LDB2: variants seen among roughly 807,000 people sequenced by gnomAD.
The protein encoded by LDB2 is LIM domain-binding protein 2.
In LDB2, 12 loss-of-function variants were observed where a neutral mutation model predicts 44.3. The observed-to-expected ratio is 0.27, with a 90% CI of 0.17 to 0.44. The LOEUF is 0.44. Among genes scored for constraint, LDB2 ranks in the 20% least tolerant of loss-of-function variants. LDB2 has a pLI of 1.00. For missense variants in LDB2, 344 were observed against 473.5 expected (o/e 0.73, Z 2.54); for synonymous variants, 164 against 174.8 (o/e 0.94, Z 0.49).
rs573434412 is a variant in LDB2 at position 16,768,121 on chromosome 4, C to T, written c.133-8861G>A. Among the ~76,000 whole-genome samples the T allele has an allele frequency of 4.3e-4, 65 of 152,268 alleles. No individual in the cohort carries two copies. The South Asian group carries it at 6.8e-3, about 16-fold the overall frequency. On this transcript the variant is annotated intron_variant, in intron 1 of 7. Coordinates refer to ENST00000304523, the MANE Select transcript of LDB2 (RefSeq NM_001290.5). Reference sequence around the variant, plus strand: ...TAATGAGAAATTACCATGGCAACCACTTGTCATGTGGTACACATACACCCC... The same window carrying T: ...TAATGAGAAATTACCATGGCAACCATTTGTCATGTGGTACACATACACCCC...
At chr4:16,660,621 G>A (rs1741312674) in intron 2 of LDB2, among the ~76,000 whole-genome samples, 3 of 152,184 alleles carry the variant, frequency 2.0e-5, no homozygotes, top group Admixed American at 6.5e-5. Context: ...GGGTCATAAA[G>A]ATGAGGTAGA....
intron 1 of LDB2, among the ~76,000 whole-genome samples, chr4:16,820,433 G>A (rs928271058): frequency 3.9e-5 from 6 of 152,160 alleles, no homozygotes; most frequent in Admixed American, 3.3e-4. Flanking sequence ...AAAGGAACAC[G>A]ATCACTGCAG....
chr4:16,646,535 C>A (rs1429847957), intron 2 of LDB2, among the ~76,000 whole-genome samples: 3 of 152,172 alleles, frequency 2.0e-5, no homozygotes, highest in African/African-American at 7.2e-5. Flanking sequence ...TGGCCTCTTG[C>A]ACATCTGCCA....
At chr4:16,848,109 C>T (rs1787452568) in intron 1 of LDB2, among the ~76,000 whole-genome samples, 1 of 152,130 alleles carries the variant, frequency 6.6e-6, no homozygotes, top group Non-Finnish European at 1.5e-5. Flanking sequence ...AATCCAGCTA[C>T]TTGTCTCTGT....
At chr4:16,643,154 CAGAT>C (rs1265547392) in intron 2 of LDB2, among the ~76,000 whole-genome samples, 2 of 127,064 alleles carry the variant, frequency 1.6e-5, no homozygotes, top group Non-Finnish European at 3.1e-5. Flanking sequence ...AATTCTCTAA[CAGAT>C]AGGGATAAAA....
At chr4:16,553,148 G>A (rs1738252253) in intron 5 of LDB2, among the ~76,000 whole-genome samples, 1 of 152,130 alleles carries the variant, frequency 6.6e-6, no homozygotes, top group Non-Finnish European at 1.5e-5. Context: ...CCTGGAAACA[G>A]GATTTTATTA....
intron 2 of LDB2, among the ~76,000 whole-genome samples, chr4:16,719,252 G>T (rs1757717677): frequency 6.6e-6 from 1 of 152,026 alleles, no homozygotes. Context: ...TACTCCTTCA[G>T]TAAAGGCTAA....
At chr4:16,615,057 G>A (rs1466631987) in intron 2 of LDB2, among the ~76,000 whole-genome samples, 4 of 115,734 alleles carry the variant, frequency 3.5e-5, no homozygotes, top group African/African-American at 6.8e-5. Context: ...GCGACAGAGC[G>A]AGACTCCGTC....
At chr4:16,553,973 G>A (rs1738565335) in intron 5 of LDB2, among the ~76,000 whole-genome samples, 1 of 151,694 alleles carries the variant, frequency 6.6e-6, no homozygotes, top group Non-Finnish European at 1.5e-5. Context: ...ACCACCACTA[G>A]AAACTAAGAA....
chr4:16,828,443 G>A (rs207704), intron 1 of LDB2, among the ~76,000 whole-genome samples: 141,128 of 152,226 alleles, frequency 0.93, 65,659 homozygotes, highest in Middle Eastern at 0.98. Flanking sequence ...CTAGTTAGGA[G>A]AGTTACCTCC....
At chr4:16,527,211 G>A (rs1039372510) in intron 5 of LDB2, among the ~76,000 whole-genome samples, 5 of 152,166 alleles carry the variant, frequency 3.3e-5, no homozygotes, top group African/African-American at 9.7e-5. Flanking sequence ...ATTCTCAGGA[G>A]CAGAGGGAAG....
At chr4:16,570,231 A>G (rs1301850468) in intron 5 of LDB2, among the ~76,000 whole-genome samples, 1 of 151,944 alleles carries the variant, frequency 6.6e-6, no homozygotes. Context: ...TGGGAGGCTG[A>G]GGTGGGCGGA....
intron 2 of LDB2, among the ~76,000 whole-genome samples, chr4:16,598,207 T>C (rs1256625007): frequency 1.3e-5 from 2 of 152,256 alleles, no homozygotes; most frequent in Non-Finnish European, 2.9e-5. Context: ...GTGGCATGAC[T>C]ATCCTTGTAT....
chr4:16,765,022 A>G (rs979052908), intron 1 of LDB2, among the ~76,000 whole-genome samples: 1 of 152,242 alleles, frequency 6.6e-6, no homozygotes, highest in Admixed American at 6.5e-5. Flanking sequence ...GACCAGTCTC[A>G]TCTTTGCCCA....
chr4:16,558,901 A>G (rs1740894428), intron 5 of LDB2, among the ~76,000 whole-genome samples: 2 of 152,228 alleles, frequency 1.3e-5, no homozygotes, highest in South Asian at 4.1e-4. Flanking sequence ...GTGGGGGCCA[A>G]TATTCAACAT....
intron 2 of LDB2, among the ~76,000 whole-genome samples, chr4:16,633,420 A>G (rs1732601875): frequency 6.6e-6 from 1 of 152,142 alleles, no homozygotes; most frequent in Non-Finnish European, 1.5e-5. Context: ...CGTGTACCCT[A>G]GAACTTAAAG....
intron 3 of LDB2, among the ~76,000 whole-genome samples, chr4:16,589,314 AC>A (rs1330460965): frequency 6.6e-6 from 1 of 152,102 alleles, no homozygotes; most frequent in African/African-American, 2.4e-5. Flanking sequence ...TATTTCCAAA[AC>A]GAAATTCCGG....
In LDB2 at chr4:16,576,482, GAAGA is replaced by G. The variant is rs1260386780; in HGVS notation, c.615+9436_615+9439del. 2.6e-5 allele frequency among the ~76,000 whole-genome samples: 4 copies of G among 152,122 alleles called. No homozygotes were observed. In the East Asian group the frequency reaches 7.7e-4, roughly 29 times the overall value. On this transcript the variant is annotated intron_variant, in intron 5 of 7. Coordinates refer to ENST00000304523, the MANE Select transcript of LDB2 (RefSeq NM_001290.5). ...GTATGCCAATAAATTGGAAAATCTA[GAAGA>G]AAGGGACAAATTCCCAGACACAGGC... is the stretch of plus-strand genomic sequence containing the variant.
In LDB2 at chr4:16,772,236, T is replaced by G. The variant is rs114386517; in HGVS notation, c.133-12976A>C. ...CTACTTGCTATCACATCAGTCTATA[T>G]TTTTCCTTGATCATTCAATTTTGTT... On this transcript the variant is annotated intron_variant, in intron 1 of 7. Coordinates refer to ENST00000304523, the MANE Select transcript of LDB2 (RefSeq NM_001290.5). 7.3e-3 allele frequency among the ~76,000 whole-genome samples: 1,113 copies of G among 152,338 alleles called. 8 individuals carry two copies. Among genetic ancestry groups the G allele is most frequent in the Middle Eastern group, 0.024 (7 of 294 alleles).
Sources: allele counts gnomAD v4.1 joint callset (sites outside exome capture counted in the v4.1 genomes callset), GRCh38; gene constraint gnomAD v4.1.1; transcripts MANE v1.5; gene names NCBI Gene and HGNC (gene_info 2026-07-23, HGNC 2026-07-21).